MACF1: variants seen among roughly 807,000 people sequenced by gnomAD.
MACF1 encodes microtubule-actin cross-linking factor 1.
MACF1 carries 193 observed loss-of-function variants against 854.8 expected under a neutral mutation model. That is an observed-to-expected ratio of 0.23 (90% CI 0.20 to 0.25). MACF1 has a LOEUF of 0.25. Among genes scored for constraint, MACF1 ranks in the 10% least tolerant of loss-of-function variants. MACF1 has a pLI of 1.00. For synonymous variants in MACF1, 3,185 were observed against 3,226.7 expected (o/e 0.99, Z 0.44); for missense variants, 7,722 against 8,929.1 (o/e 0.86, Z 5.45).
intron 2 of MACF1, among the ~76,000 whole-genome samples, chr1:39,088,219 G>A (rs1276263538): frequency 3.3e-5 from 5 of 152,026 alleles, no homozygotes; most frequent in Non-Finnish European, 5.9e-5. Context: ...TGATCCGCCC[G>A]CCTCAGCCTC....
At chr1:39,265,583 G>A (rs2148351807) in intron 6 of MACF1, among the ~76,000 whole-genome samples, 1 of 152,312 alleles carries the variant, frequency 6.6e-6, no homozygotes, top group East Asian at 1.9e-4. Context: ...CCAAAATCAT[G>A]TAACACAAAG....
chr1:39,390,217 C>T (rs1641978298), intron 58 of MACF1, among the ~76,000 whole-genome samples: 1 of 152,202 alleles, frequency 6.6e-6, no homozygotes, highest in African/African-American at 2.4e-5. Flanking sequence ...GTTAATTATT[C>T]CTGCTTACAC....
chr1:39,163,116 G>A (rs1480562376), intron 2 of MACF1, among the ~76,000 whole-genome samples: 3 of 151,986 alleles, frequency 2.0e-5, no homozygotes, highest in Admixed American at 6.6e-5. Context: ...ACTTTGGGAC[G>A]CCGAGGCTGG....
chr1:39,150,366 T>G (rs1643554360), intron 2 of MACF1, among the ~76,000 whole-genome samples: 1 of 152,160 alleles, frequency 6.6e-6, no homozygotes, highest in South Asian at 2.1e-4. Context: ...TTTTGCACAG[T>G]GTCAAAAAAT....
chr1:39,413,804 C>G lies in MACF1; in HGVS notation c.15817-8570C>G, dbSNP rs565712957. ...CCAGCTGCTGCAGTGCCCACCCCAG[C>G]AGAATCTGCCTCCTTTGCAGCTGTG... is the stretch of plus-strand genomic sequence containing the variant. On this transcript the variant is annotated intron_variant, in intron 58 of 100. Coordinates refer to ENST00000564288, the MANE Select transcript of MACF1 (RefSeq NM_001394062.1). 2.5e-6 allele frequency: 4 copies of G among 1,599,510 alleles called. No homozygotes were observed. In the African/African-American group the frequency reaches 4.2e-5, roughly 17 times the overall value.
At chr1:39,444,564 G>A (rs984154703) in intron 79 of MACF1, 98 bp from the exon 80 acceptor site, 3 of 1,026,528 alleles carry the variant, frequency 2.9e-6, no homozygotes, top group Admixed American at 2.8e-5. Context: ...ATCAAGATGA[G>A]CCCTTCCTGG....
At chr1:39,339,000 C>T (rs1646877713) in intron 38 of MACF1, among the ~76,000 whole-genome samples, 1 of 152,164 alleles carries the variant, frequency 6.6e-6, no homozygotes, top group Admixed American at 6.5e-5. Context: ...TACTGAGGGC[C>T]AGTCACAGTG....
chr1:39,456,028 T>C (rs1644429754), intron 89 of MACF1, among the ~76,000 whole-genome samples: 1 of 152,146 alleles, frequency 6.6e-6, no homozygotes, highest in African/African-American at 2.4e-5. Flanking sequence ...GTTATACATA[T>C]TCAGTAGAAA....
Position 39,439,513 on chromosome 1 carries a change from C to T in MACF1, c.18447+13C>T. ...TGAAGCTGCTGAGGTAAGAAGGAAA[C>T]AAAACCCTTTTTCTTAGGTGTCTGT... On this transcript the variant is annotated intron_variant, in intron 72 of 100. Transcript: ENST00000564288. 1 of 1,602,502 alleles carries T rather than the reference C, an allele frequency of 6.2e-7. No homozygotes were observed. Among genetic ancestry groups the T allele is most frequent in the Non-Finnish European group, 8.5e-7 (1 of 1,170,490 alleles).
chr1:39,327,659 G>A (rs959117912), intron 36 of MACF1, among the ~76,000 whole-genome samples: 2 of 152,202 alleles, frequency 1.3e-5, no homozygotes, highest in African/African-American at 4.8e-5. Flanking sequence ...TGTGATCACA[G>A]GGCAGTAACA....
intron 58 of MACF1, among the ~76,000 whole-genome samples, chr1:39,401,608 G>A (rs915339058): frequency 3.3e-5 from 5 of 152,234 alleles, no homozygotes; most frequent in African/African-American, 7.2e-5. Flanking sequence ...TGTTTTTAAT[G>A]TTTTTAACAT....
Position 39,459,097 on chromosome 1 carries a change from A to C in MACF1, c.21208A>C (p.Ser7070Arg). The C allele has an allele frequency of 3.1e-6, 5 of 1,612,108 alleles. No homozygotes were observed. Among genetic ancestry groups the C allele is most frequent in the Non-Finnish European group, 4.2e-6 (5 of 1,179,382 alleles). ...ATTTTTCCTTTTAGGGAAATCCCTA[A>C]GTCAGCCAACCCCTCCTCCCATGCC... ...KSRSGGRKSL[S>R]QPTPPPMPIL... The change falls in exon 91 of 101, where the codon AGT (serine) becomes CGT (arginine). Residue 7070 changes from serine to arginine, a missense_variant. Physicochemically the swap from Ser to Arg is moderately radical, Grantham distance 110. Around this residue, in one of 15 missense-constraint regions of MACF1, gnomAD observed 729 missense variants for 900.5 expected, o/e 0.81. Transcript: ENST00000564288.
chr1:39,193,723 T>G (rs1402658299), intron 2 of MACF1, among the ~76,000 whole-genome samples: 1 of 152,178 alleles, frequency 6.6e-6, no homozygotes, highest in Admixed American at 6.5e-5. Flanking sequence ...AACTAGAGAT[T>G]GTGAAATCAG....
intron 58 of MACF1, among the ~76,000 whole-genome samples, chr1:39,393,190 A>ATATATATATATATATAT (rs1427429683): frequency 1.3e-4 from 11 of 86,634 alleles, no homozygotes; most frequent in African/African-American, 6.8e-4. Context: ...GTAAAAAAAA[A>ATATATATATATATATAT]AAAAAAATAT....
chr1:39,390,447 G>A (rs1641987271), intron 58 of MACF1, among the ~76,000 whole-genome samples: 1 of 152,178 alleles, frequency 6.6e-6, no homozygotes, highest in South Asian at 2.1e-4. Flanking sequence ...GCACTAAAGT[G>A]GGACATTGGC....
intron 6 of MACF1, among the ~76,000 whole-genome samples, chr1:39,277,736 G>C (rs1422521380): frequency 6.6e-6 from 1 of 152,166 alleles, no homozygotes; most frequent in Non-Finnish European, 1.5e-5. Flanking sequence ...GCTTACCTCT[G>C]TCACAACATT....
rs149519812 is a variant in MACF1, at chr1:39,485,770, C to T, written c.22644C>T (p.Pro7548=). Residue 7548 remains proline (P), a synonymous_variant, in exon 101 of 101, where the codon CCC becomes CCT. Coordinates refer to ENST00000564288, the MANE Select transcript of MACF1 (RefSeq NM_001394062.1). The part of the protein sequence containing the change: ...TMSKKTTTAS[P]RTPGPKR The stretch of plus-strand genomic sequence containing the variant: ...CTAAGAAGACCACCACTGCCTCCCC[C>T]AGGACTCCAGGTCCCAAGCGATAAC... The T allele has an allele frequency of 2.0e-4, 318 of 1,608,028 alleles. No individual in the cohort carries two copies. The African/African-American group carries it at 3.9e-3, about 20-fold the overall frequency.
chr1:39,343,254 C>A (rs1005140328), intron 40 of MACF1, among the ~76,000 whole-genome samples: 3 of 152,162 alleles, frequency 2.0e-5, no homozygotes, highest in Non-Finnish European at 2.9e-5. Flanking sequence ...TTTAGAATGT[C>A]AGAACGGAAC....
At chr1:39,351,581 CTTTTTT>C (rs36123797) in intron 43 of MACF1, among the ~76,000 whole-genome samples, 2 of 85,918 alleles carry the variant, frequency 2.3e-5, no homozygotes, top group East Asian at 4.1e-4. Flanking sequence ...AAGCAAATGG[CTTTTTT>C]TTTTTTTTTT....
Sources: gnomAD v4.1 joint callset for allele counts (sites outside exome capture counted in the v4.1 genomes callset) on GRCh38, gnomAD v4.1.1 for gene constraint, gnomAD v4.1.1 regional missense constraint, MANE v1.5 for transcripts, NCBI Gene and HGNC (gene_info 2026-07-23, HGNC 2026-07-21) for gene names.